The following REDIC1 variants were observed in gnomAD, a reference collection of about 807,000 sequenced individuals.
REDIC1 encodes regulator of DNA class I crossover intermediates 1.
At chr12:39,664,400 T>C in the REDIC1 span, among the ~76,000 whole-genome samples, 2 of 152,180 alleles carry the variant, frequency 1.3e-5, no homozygotes, top group Admixed American at 6.5e-5. Context: ...ACAAAGGACA[T>C]GAACTCATCC....
At chr12:39,658,618 T>A in the REDIC1 span, among the ~76,000 whole-genome samples, 62 of 152,358 alleles carry the variant, frequency 4.1e-4, no homozygotes, top group African/African-American at 1.4e-3. Context: ...GGTTTGGATT[T>A]AAGTCTGTCC....
At chr12:39,727,089 CA>C in the REDIC1 span, among the ~76,000 whole-genome samples, 3 of 152,102 alleles carry the variant, frequency 2.0e-5, no homozygotes, top group Admixed American at 6.5e-5. Flanking sequence ...GGATAGATTG[CA>C]AAAATTTTCT....
At chr12:39,856,602 C>T in the REDIC1 span, among the ~76,000 whole-genome samples, 5 of 152,228 alleles carry the variant, frequency 3.3e-5, no homozygotes, top group East Asian at 7.7e-4. Flanking sequence ...CTCTTGACCT[C>T]GTGATTTGCC....
At chr12:39,729,735 ATCTG>A in the REDIC1 span, among the ~76,000 whole-genome samples, 1 of 152,146 alleles carries the variant, frequency 6.6e-6, no homozygotes, top group African/African-American at 2.4e-5. Flanking sequence ...TGTCTTGTTG[ATCTG>A]TCTAATATTG....
chr12:39,721,468 G>T, the REDIC1 span: 2 of 465,482 alleles, frequency 4.3e-6, no homozygotes, highest in Non-Finnish European at 7.5e-6. Context: ...AATAGCTTTG[G>T]TATATGGTAG....
chr12:39,783,545 T>C, the REDIC1 span, among the ~76,000 whole-genome samples: 7 of 152,218 alleles, frequency 4.6e-5, no homozygotes, highest in African/African-American at 1.4e-4. Context: ...GTTTCCTGAC[T>C]TTTTAATGAT....
chr12:39,748,277 G>A, the REDIC1 span, among the ~76,000 whole-genome samples: 8,309 of 152,170 alleles, frequency 0.055, 265 homozygotes, highest in Middle Eastern at 0.092. Flanking sequence ...TGCAATCCTA[G>A]TCTCTGATAA....
chr12:39,711,079 G>T, the REDIC1 span, among the ~76,000 whole-genome samples: 13 of 151,346 alleles, frequency 8.6e-5, 2 homozygotes, highest in South Asian at 2.5e-3. Context: ...AAAGTCCATT[G>T]TATCATACTT....
chr12:39,705,528 GT>G, the REDIC1 span, among the ~76,000 whole-genome samples: 4 of 152,030 alleles, frequency 2.6e-5, no homozygotes, highest in Non-Finnish European at 4.4e-5. Flanking sequence ...CTACTGATCA[GT>G]GTCTCTGATG....
At chr12:39,881,003 C>A in the REDIC1 span, among the ~76,000 whole-genome samples, 1 of 152,190 alleles carries the variant, frequency 6.6e-6, no homozygotes, top group Non-Finnish European at 1.5e-5. Flanking sequence ...GTATGTATAA[C>A]AGGTTACATG....
chr12:39,685,496 G>A, the REDIC1 span, among the ~76,000 whole-genome samples: 1 of 152,036 alleles, frequency 6.6e-6, no homozygotes, highest in Non-Finnish European at 1.5e-5. Context: ...CACCAAGAGG[G>A]ATGGTGCTAA....
chr12:39,684,791 T>G, the REDIC1 span: 2 of 1,073,520 alleles, frequency 1.9e-6, no homozygotes, highest in Non-Finnish European at 2.8e-6. Context: ...AAGCCAAGTT[T>G]GGGAACTCTA....
the REDIC1 span, among the ~76,000 whole-genome samples, chr12:39,727,783 G>A: frequency 5.9e-5 from 9 of 152,254 alleles, no homozygotes; most frequent in East Asian, 1.3e-3. Context: ...TCCTATCCAC[G>A]AGCATGGAAT....
the REDIC1 span, among the ~76,000 whole-genome samples, chr12:39,869,034 T>A: frequency 6.6e-6 from 1 of 152,238 alleles, no homozygotes; most frequent in Admixed American, 6.5e-5. Flanking sequence ...CGATACTGAA[T>A]CAAAGGTTAA....
chr12:39,796,523 C>CT, the REDIC1 span, among the ~76,000 whole-genome samples: 1 of 151,556 alleles, frequency 6.6e-6, no homozygotes, highest in East Asian at 1.9e-4. Flanking sequence ...CCACTTTTTC[C>CT]TTTTTTTCCA....
the REDIC1 span, among the ~76,000 whole-genome samples, chr12:39,900,368 G>T: frequency 1.3e-5 from 2 of 152,138 alleles, no homozygotes; most frequent in Admixed American, 1.3e-4. Context: ...AAATAAAGGG[G>T]ATTATATTAG....
the REDIC1 span, among the ~76,000 whole-genome samples, chr12:39,897,535 C>G: frequency 6.6e-6 from 1 of 152,156 alleles, no homozygotes; most frequent in African/African-American, 2.4e-5. Context: ...TGTAATCGAT[C>G]CCTGTGTGGG....
the REDIC1 span, among the ~76,000 whole-genome samples, chr12:39,712,423 C>CGG: frequency 1.8e-5 from 2 of 113,028 alleles, no homozygotes; most frequent in Admixed American, 9.7e-5. Flanking sequence ...TATATACATA[C>CGG]GTATATATAC....
At chr12:39,771,511 CA>C in the REDIC1 span, among the ~76,000 whole-genome samples, 2 of 152,080 alleles carry the variant, frequency 1.3e-5, no homozygotes, top group Admixed American at 1.3e-4. Context: ...ATTCTGCTAA[CA>C]AAAATGAATC....
Sources: allele counts gnomAD v4.1 joint callset (sites outside exome capture counted in the v4.1 genomes callset), GRCh38; gene constraint gnomAD v4.1.1; transcripts MANE v1.5; gene names NCBI Gene and HGNC (gene_info 2026-07-23, HGNC 2026-07-21).